MAN2A1: variants seen among roughly 807,000 people sequenced by gnomAD.
MAN2A1 encodes mannosidase alpha class 2A member 1.
In MAN2A1, 76 loss-of-function variants were observed where a neutral mutation model predicts 142.6. That is an observed-to-expected ratio of 0.53 (90% CI 0.44 to 0.65). The LOEUF (loss-of-function observed/expected upper bound fraction) is 0.65. MAN2A1 is among the 30% of genes least tolerant of loss of function. The pLI is 0.00. For missense variants in MAN2A1, 1,311 were observed against 1,365.1 expected (o/e 0.96, Z 0.62); for synonymous variants, 559 against 473.2 (o/e 1.18, Z -2.35).
intron 5 of MAN2A1, among the ~76,000 whole-genome samples, chr5:109,763,981 A>T (rs746595882): frequency 4.6e-5 from 7 of 151,762 alleles, no homozygotes; most frequent in Non-Finnish European, 1.0e-4. Flanking sequence ...TTGTGTTTTT[A>T]ATAGAGACAG....
intron 4 of MAN2A1, among the ~76,000 whole-genome samples, chr5:109,742,102 G>A (rs763600330): frequency 2.0e-5 from 3 of 152,208 alleles, no homozygotes; most frequent in Admixed American, 6.5e-5. Context: ...ATTAGCCTTA[G>A]CATTTCCTTT....
chr5:109,711,690 T>A (rs186763514), intron 1 of MAN2A1, among the ~76,000 whole-genome samples: 3 of 152,328 alleles, frequency 2.0e-5, no homozygotes, highest in Admixed American at 2.0e-4. Context: ...CCATTTCCTT[T>A]GCTTTGCCAT....
At chr5:109,866,300 A>G (rs1448484294) in intron 21 of MAN2A1, among the ~76,000 whole-genome samples, 1 of 152,132 alleles carries the variant, frequency 6.6e-6, no homozygotes, top group African/African-American at 2.4e-5. Context: ...TGAGGGAAAT[A>G]CTTTCCAAAT....
intron 1 of MAN2A1, among the ~76,000 whole-genome samples, chr5:109,696,154 G>T (rs1306610873): frequency 6.6e-6 from 1 of 151,830 alleles, no homozygotes. Flanking sequence ...AGACTGGAGT[G>T]CAGTGGTGCA....
intron 7 of MAN2A1, among the ~76,000 whole-genome samples, chr5:109,774,399 T>C (rs1360870269): frequency 6.6e-6 from 1 of 152,162 alleles, no homozygotes; most frequent in Non-Finnish European, 1.5e-5. Flanking sequence ...GAAGTCCTTA[T>C]TGTCTTACTA....
intron 3 of MAN2A1, among the ~76,000 whole-genome samples, chr5:109,721,893 G>A (rs1751613422): frequency 6.6e-6 from 1 of 152,138 alleles, no homozygotes; most frequent in Admixed American, 6.5e-5. Context: ...GAATTATTAT[G>A]TTCTGTGCAC....
At chr5:109,835,587 A>G (rs1580302439) in intron 16 of MAN2A1, among the ~76,000 whole-genome samples, 2 of 152,084 alleles carry the variant, frequency 1.3e-5, no homozygotes, top group African/African-American at 4.8e-5. Context: ...GCCATTTGCT[A>G]TTGTCCCTCT....
chr5:109,761,197 T>G (rs758947602), intron 5 of MAN2A1, among the ~76,000 whole-genome samples: 2 of 151,354 alleles, frequency 1.3e-5, no homozygotes, highest in Non-Finnish European at 3.0e-5. Flanking sequence ...GAAAATTATC[T>G]TTTTAAATAC....
intron 1 of MAN2A1, among the ~76,000 whole-genome samples, chr5:109,694,435 T>G (rs1750755297): frequency 1.3e-5 from 2 of 152,110 alleles, no homozygotes; most frequent in Non-Finnish European, 2.9e-5. Context: ...CCTTGAATTC[T>G]TGGGCCCAAG....
Position 109,716,263 on chromosome 5 carries a change from A to T in MAN2A1, c.534A>T (p.Pro178=), listed in dbSNP as rs1582817925. The T allele has an allele frequency of 6.3e-7, 1 of 1,598,624 alleles. No homozygotes were observed. The highest frequency in any genetic ancestry group is 1.7e-4 in the Middle Eastern group (1 of 6,006). Residue 178 remains proline (P), a splice_region_variant and synonymous_variant, in exon 3 of 22, where the codon CCA becomes CCT. Transcript: ENST00000261483. The part of the protein sequence containing the change: ...VFVVPHSHND[P]GWLKTFNDYF... ...TGGTGCCTCATTCCCATAACGACCCAGGTAAAATTTGCACTTCAAAAAGAC... is the reference window on the plus strand; with the variant it reads ...TGGTGCCTCATTCCCATAACGACCCTGGTAAAATTTGCACTTCAAAAAGAC...
At chr5:109,699,597 CAGTT>C (rs1183349750) in intron 1 of MAN2A1, 3 of 61,368 alleles carry the variant, frequency 4.9e-5, no homozygotes, top group Non-Finnish European at 8.2e-5. Context: ...TTTTATTTGT[CAGTT>C]AGAGCTCGTT....
intron 12 of MAN2A1, among the ~76,000 whole-genome samples, chr5:109,793,531 A>G (rs1229464048): frequency 2.0e-5 from 3 of 152,086 alleles, no homozygotes; most frequent in East Asian, 1.9e-4. Context: ...ATCCTGGTAT[A>G]TATTCTCCTC....
intron 16 of MAN2A1, among the ~76,000 whole-genome samples, chr5:109,827,799 CA>C (rs745748265): frequency 1.1e-4 from 17 of 152,242 alleles, no homozygotes; most frequent in Non-Finnish European, 1.0e-4. Context: ...AAGATCAGAG[CA>C]GTTCAGAATT....
At chr5:109,750,022 T>C (rs1752504270) in intron 4 of MAN2A1, among the ~76,000 whole-genome samples, 1 of 152,112 alleles carries the variant, frequency 6.6e-6, no homozygotes, top group Non-Finnish European at 1.5e-5. Context: ...ACATAGCTTT[T>C]CTGTTATTGC....
chr5:109,718,598 C>A (rs930976994), intron 3 of MAN2A1, among the ~76,000 whole-genome samples: 1 of 152,186 alleles, frequency 6.6e-6, no homozygotes, highest in Non-Finnish European at 1.5e-5. Flanking sequence ...TAGCTGAACA[C>A]TTGGCATATA....
At chr5:109,786,575 A>G (rs2112674475) in intron 10 of MAN2A1, among the ~76,000 whole-genome samples, 1 of 152,230 alleles carries the variant, frequency 6.6e-6, no homozygotes, top group South Asian at 2.1e-4. Flanking sequence ...CTCAAACTGT[A>G]CTTGGCATTT....
At chr5:109,811,068 T>G (rs1259503071) in intron 12 of MAN2A1, among the ~76,000 whole-genome samples, 3 of 152,070 alleles carry the variant, frequency 2.0e-5, no homozygotes, top group Admixed American at 6.5e-5. Context: ...TTACCAAATC[T>G]GTCAGCCTTT....
At chr5:109,832,415 C>A (rs1053188206) in intron 16 of MAN2A1, among the ~76,000 whole-genome samples, 2 of 151,936 alleles carry the variant, frequency 1.3e-5, no homozygotes, top group Non-Finnish European at 2.9e-5. Context: ...GTTTAACAAA[C>A]CACATCCTGC....
Position 109,713,789 on chromosome 5 carries a change from C to G in MAN2A1, c.390+15C>G. ...CAGATGTGCAGGTAATGTATACATT[C>G]GTTAATAATCACTGGCCTTTTTTTT... is the stretch of plus-strand genomic sequence containing the variant. On this transcript the variant is annotated intron_variant, in intron 2 of 21. Transcript: ENST00000261483. The G allele has an allele frequency of 6.4e-7, 1 of 1,569,452 alleles. No homozygotes were observed. The highest frequency in any genetic ancestry group is 2.3e-5 in the East Asian group (1 of 44,270).
Sources: gnomAD v4.1 joint callset for allele counts (sites outside exome capture counted in the v4.1 genomes callset) on GRCh38, gnomAD v4.1.1 for gene constraint, MANE v1.5 for transcripts, NCBI Gene and HGNC (gene_info 2026-07-23, HGNC 2026-07-21) for gene names.